The following GALNTL6 variants were observed in gnomAD, a reference collection of about 807,000 sequenced individuals.
The protein encoded by GALNTL6 is polypeptide N-acetylgalactosaminyltransferase-like 6.
In GALNTL6, 46 loss-of-function variants were observed where a neutral mutation model predicts 73.7. That is an observed-to-expected ratio of 0.62 (90% confidence interval 0.49 to 0.80). The LOEUF is 0.80. GALNTL6 is among the 30% of genes least tolerant of loss of function. The probability of loss-of-function intolerance (pLI) is 0.00; values close to 1 mark genes in which losing one functional copy is unlikely to be tolerated. For missense variants in GALNTL6, 604 were observed against 755.0 expected, an observed-to-expected ratio of 0.80 and a Z score of 2.34; for synonymous variants, 259 against 263.7, an observed-to-expected ratio of 0.98 and a Z score of 0.17.
intron 8 of GALNTL6, among the ~76,000 whole-genome samples, chr4:172,895,045 AT>A (rs1746247684): frequency 6.6e-6 from 1 of 151,028 alleles, no homozygotes; most frequent in Non-Finnish European, 1.5e-5. Context: ...AGTGGAATAA[AT>A]TTTTTTCATC....
intron 9 of GALNTL6, among the ~76,000 whole-genome samples, chr4:172,950,819 A>T (rs1749405808): frequency 2.0e-5 from 3 of 152,228 alleles, no homozygotes; most frequent in African/African-American, 7.2e-5. Context: ...TGCAAGTGAG[A>T]AACAGGAGTG....
intron 7 of GALNTL6, among the ~76,000 whole-genome samples, chr4:172,842,944 A>G (rs1026530574): frequency 1.3e-5 from 2 of 152,188 alleles, no homozygotes; most frequent in Non-Finnish European, 2.9e-5. Context: ...TGGACAGAGA[A>G]TAACGACTTC....
chr4:172,446,426 A>G (rs1732023442), intron 5 of GALNTL6, among the ~76,000 whole-genome samples: 1 of 152,180 alleles, frequency 6.6e-6, no homozygotes, highest in Admixed American at 6.6e-5. Flanking sequence ...AGAATATATT[A>G]CAGAGGAGGA....
intron 5 of GALNTL6, among the ~76,000 whole-genome samples, chr4:172,467,892 C>CT (rs1283264706): frequency 0.019 from 1,598 of 83,358 alleles, 30 homozygotes; most frequent in Non-Finnish European, 0.024. Flanking sequence ...TCTTTTCTTT[C>CT]TTTTTTTTTT....
At chr4:172,763,486 C>A (rs1738234513) in intron 5 of GALNTL6, among the ~76,000 whole-genome samples, 1 of 152,198 alleles carries the variant, frequency 6.6e-6, no homozygotes, top group African/African-American at 2.4e-5. Flanking sequence ...ATTCCATTGT[C>A]ATTTATCTTA....
At chr4:172,723,122 C>A (rs1735583224) in intron 5 of GALNTL6, among the ~76,000 whole-genome samples, 1 of 152,176 alleles carries the variant, frequency 6.6e-6, no homozygotes, top group African/African-American at 2.4e-5. Context: ...TCCAACCACT[C>A]TTCCATAGTC....
At chr4:171,915,772 G>A (rs1055089687) in intron 2 of GALNTL6, among the ~76,000 whole-genome samples, 1 of 152,052 alleles carries the variant, frequency 6.6e-6, no homozygotes, top group Non-Finnish European at 1.5e-5. Flanking sequence ...GAAATTTTAA[G>A]GGTCAGAAAG....
intron 2 of GALNTL6, among the ~76,000 whole-genome samples, chr4:171,960,394 A>T (rs530188542): frequency 6.6e-6 from 1 of 152,056 alleles, no homozygotes; most frequent in African/African-American, 2.4e-5. Context: ...CTCCTGTCTC[A>T]GCCTCCCGAG....
chr4:172,921,211 G>T (rs1747771807), intron 8 of GALNTL6, among the ~76,000 whole-genome samples: 1 of 152,072 alleles, frequency 6.6e-6, no homozygotes, highest in African/African-American at 2.4e-5. Context: ...GCCAATTTTG[G>T]GGCTGAATGC....
intron 5 of GALNTL6, among the ~76,000 whole-genome samples, chr4:172,710,758 A>C (rs1734654617): frequency 6.6e-6 from 1 of 152,100 alleles, no homozygotes. Flanking sequence ...TAAATCGATA[A>C]TTTTTAAAGT....
At chr4:172,962,345 G>C (rs1373153238) in intron 10 of GALNTL6, among the ~76,000 whole-genome samples, 1 of 152,162 alleles carries the variant, frequency 6.6e-6, no homozygotes, top group Non-Finnish European at 1.5e-5. Flanking sequence ...ATTTAATCAA[G>C]CTAAGTAATT....
intron 5 of GALNTL6, among the ~76,000 whole-genome samples, chr4:172,419,203 A>G (rs1253360793): frequency 6.6e-6 from 1 of 152,118 alleles, no homozygotes; most frequent in Non-Finnish European, 1.5e-5. Context: ...AAATAACCCT[A>G]ATATGTTACC....
At chr4:171,889,923 G>A (rs1736714634) in intron 2 of GALNTL6, among the ~76,000 whole-genome samples, 1 of 152,098 alleles carries the variant, frequency 6.6e-6, no homozygotes, top group South Asian at 2.1e-4. Flanking sequence ...CAATGTGGAA[G>A]AATAAATGTA....
intron 5 of GALNTL6, among the ~76,000 whole-genome samples, chr4:172,365,139 TCTTAAAGA>T (rs1742510956): frequency 6.6e-6 from 1 of 152,202 alleles, no homozygotes; most frequent in Non-Finnish European, 1.5e-5. Flanking sequence ...GAGCACACTC[TCTTAAAGA>T]CTAAGAGTAT....
intron 7 of GALNTL6, among the ~76,000 whole-genome samples, chr4:172,816,140 G>T (rs1042233729): frequency 1.1e-4 from 17 of 152,192 alleles, no homozygotes; most frequent in African/African-American, 4.1e-4. Context: ...TGCCGCCAAA[G>T]TGTATGGTTT....
At chr4:172,241,611 T>G (rs1737436863) in intron 3 of GALNTL6, among the ~76,000 whole-genome samples, 2 of 152,214 alleles carry the variant, frequency 1.3e-5, no homozygotes, top group South Asian at 4.1e-4. Context: ...AAGAAGGGTA[T>G]GAAACCCAAC....
intron 2 of GALNTL6, among the ~76,000 whole-genome samples, chr4:171,919,085 C>T (rs1484167465): frequency 1.3e-5 from 2 of 152,018 alleles, no homozygotes; most frequent in South Asian, 2.1e-4. Flanking sequence ...TTGTATCTAT[C>T]GTCAACAATA....
At chr4:172,440,055 G>C (rs900800024) in intron 5 of GALNTL6, among the ~76,000 whole-genome samples, 1 of 152,042 alleles carries the variant, frequency 6.6e-6, no homozygotes, top group African/African-American at 2.4e-5. Context: ...TGCTAGAGGA[G>C]TGCAAATGGT....
At position 172,376,581 on chromosome 4, in the gene GALNTL6, G is replaced by A. The variant is rs1337067597; in HGVS notation, c.553+27892G>A. Among the ~76,000 whole-genome samples the A allele has an allele frequency of 3.3e-5, 5 of 151,852 alleles. No individual in the cohort carries two copies. The South Asian group carries it at 6.2e-4, about 19-fold the overall frequency. ...CCTGTGTCTTCAGTCTGGCAGCCAC[G>A]CTAGTCGCTTTTAACTGTGCCTGGT... On this transcript the variant is annotated intron_variant, in intron 5 of 12. Coordinates refer to ENST00000506823, the MANE Select transcript of GALNTL6 (RefSeq NM_001034845.3).
Sources: gnomAD v4.1 joint callset for allele counts (sites outside exome capture counted in the v4.1 genomes callset) on GRCh38, gnomAD v4.1.1 for gene constraint, MANE v1.5 for transcripts, NCBI Gene and HGNC (gene_info 2026-07-23, HGNC 2026-07-21) for gene names.